Variants in VAX2 observed in about 807,000 individuals in gnomAD.
VAX2 encodes ventral anterior homeobox 2.
VAX2 carries 8 observed loss-of-function variants against 12.5 expected under a neutral mutation model. The ratio of observed to expected loss-of-function variants is 0.64; its 90% confidence interval spans 0.37 to 1.15. The LOEUF (loss-of-function observed/expected upper bound fraction) is 1.15, where lower values mean the gene tolerates loss of function less well. VAX2 is among the 50% of genes most tolerant of loss of function. VAX2 has a pLI of 0.01. For synonymous variants in VAX2, 183 were observed against 187.6 expected, an observed-to-expected ratio of 0.98 and a Z score of 0.20; for missense variants, 476 against 412.9, an observed-to-expected ratio of 1.15 and a Z score of -1.32.
intron 1 of VAX2, among the ~76,000 whole-genome samples, chr2:70,908,663 G>C (rs1271876182): frequency 1.3e-5 from 2 of 152,168 alleles, no homozygotes; most frequent in Non-Finnish European, 2.9e-5. Flanking sequence ...GAGTATATCT[G>C]TCAGAGAAGT....
At chr2:70,931,928 A>C (rs1553414377) in intron 2 of VAX2, among the ~76,000 whole-genome samples, 4 of 152,198 alleles carry the variant, frequency 2.6e-5, no homozygotes, top group Admixed American at 2.6e-4. Context: ...TGGGGCAGAG[A>C]CACCTTTAAA....
intron 2 of VAX2, 95 bp from the exon 3 acceptor site, chr2:70,932,672 C>A (rs2104790620): frequency 2.2e-6 from 1 of 459,812 alleles, no homozygotes; most frequent in Admixed American, 5.0e-5. Flanking sequence ...CCTGCCCCAA[C>A]CCCATGCCCT....
intron 1 of VAX2, among the ~76,000 whole-genome samples, chr2:70,920,639 G>A (rs1377185790): frequency 1.4e-5 from 1 of 72,884 alleles, no homozygotes; most frequent in East Asian, 4.7e-4. Flanking sequence ...ATGCATGCAT[G>A]CACAGACACA....
intron 2 of VAX2, among the ~76,000 whole-genome samples, chr2:70,922,682 G>A (rs1189217172): frequency 2.0e-5 from 3 of 152,098 alleles, no homozygotes; most frequent in African/African-American, 4.8e-5. Flanking sequence ...GGGGAAGGCC[G>A]GGGAAGGACA....
intron 1 of VAX2, among the ~76,000 whole-genome samples, chr2:70,903,845 G>A (rs895665550): frequency 6.6e-6 from 1 of 152,148 alleles, no homozygotes; most frequent in East Asian, 1.9e-4. Context: ...GCACCTAGGG[G>A]TTAAGAAGCC....
rs1679752798 is a variant in VAX2 at position 70,933,419 on chromosome 2, A to G, written c.*215A>G. On this transcript the variant is annotated 3_prime_UTR_variant, in exon 3 of 3. Coordinates refer to ENST00000234392, the MANE Select transcript of VAX2 (RefSeq NM_012476.3). ...GAGTGTGTGTGTCTCTCACTGAAAT[A>G]AAAGGAAAACAATGACAAGAAGGGA... 2 of 409,320 alleles carry G rather than the reference A, an allele frequency of 4.9e-6. No homozygotes were observed. The allele number at this position is 409,320 out of a possible 1,614,324, so 25.4% of individuals were successfully genotyped here.
Position 70,920,822 on chromosome 2 carries a change from A to G in VAX2, c.248-276A>G, listed in dbSNP as rs574144775. On this transcript the variant is annotated intron_variant, in intron 1 of 2. Transcript: ENST00000234392. ...AAAGGCCCAGAATCCTGGCTGGGAC[A>G]GAGTGAGTCCTTTCTTCCCAGACCA... 2.6e-5 allele frequency among the ~76,000 whole-genome samples: 4 copies of G among 152,296 alleles called. No individual in the cohort carries two copies. In the East Asian group the frequency reaches 7.7e-4, roughly 29 times the overall value.
intron 1 of VAX2, among the ~76,000 whole-genome samples, chr2:70,919,443 A>G (rs1264894826): frequency 6.6e-6 from 1 of 152,064 alleles, no homozygotes; most frequent in Non-Finnish European, 1.5e-5. Context: ...TAATCCCAGC[A>G]CTTTGGGAGG....
chr2:70,904,519 T>G lies in VAX2; in HGVS notation c.247+3651T>G, dbSNP rs548574949. On this transcript the variant is annotated intron_variant, in intron 1 of 2. Transcript: ENST00000234392. The surrounding 1 kb of genome is among the most constrained non-coding windows in gnomAD (Gnocchi z 4.2). ...ACCAGCGTCACCCAACACAGCAACTTTTACAGACAATGCGTGGCGTCCGTT... is the reference window on the plus strand; with the variant it reads ...ACCAGCGTCACCCAACACAGCAACTGTTACAGACAATGCGTGGCGTCCGTT... Among the ~76,000 whole-genome samples the G allele has an allele frequency of 1.9e-4, 29 of 152,192 alleles. No homozygotes were observed. Among genetic ancestry groups the G allele is most frequent in the Admixed American group, 1.0e-3 (16 of 15,302 alleles).
chr2:70,928,161 G>C lies in VAX2; in HGVS notation c.436-4606G>C, dbSNP rs3771387. ...AAGACAGAGAGACAACATTTGCAGG[G>C]CCCTGTGAACCTACCCGCTAGGGCC... On this transcript the variant is annotated intron_variant, in intron 2 of 2. Transcript: ENST00000234392. 1.9e-3 allele frequency among the ~76,000 whole-genome samples: 288 copies of C among 152,342 alleles called. 6 individuals are homozygous for C. The East Asian group carries it at 0.035, about 18-fold the overall frequency.
chr2:70,921,004 T>G, intron 1 of VAX2, 94 bp from the exon 2 acceptor site: 9 of 1,388,178 alleles, frequency 6.5e-6, no homozygotes, highest in Non-Finnish European at 8.5e-6. Flanking sequence ...TGAGGAGCTC[T>G]GCGATAGATC....
At position 70,900,670 on chromosome 2, in the gene VAX2, G is replaced by C; in HGVS notation, c.49G>C (p.Glu17Gln). 1 of 1,287,386 alleles carries C rather than the reference G, an allele frequency of 7.8e-7. No homozygotes were observed. Among genetic ancestry groups the C allele is most frequent in the East Asian group, 3.1e-5 (1 of 31,942 alleles). The allele number at this position is 1,287,386 out of a possible 1,614,324, so 79.7% of individuals were successfully genotyped here. Reference protein sequence around the residue: ...ERDRGPARRAESGGGGGRCGD... With the variant: ...ERDRGPARRAQSGGGGGRCGD... Reference sequence around the variant, plus strand: ...CGACCGGGGCCCCGCGCGCCGGGCGGAGTCTGGTGGCGGCGGTGGGCGCTG... The same window carrying C: ...CGACCGGGGCCCCGCGCGCCGGGCGCAGTCTGGTGGCGGCGGTGGGCGCTG... Residue 17 changes from glutamate to glutamine, a missense_variant, in exon 1 of 3, where the codon GAG becomes CAG. Physicochemically the swap from Glu to Gln is conservative, Grantham distance 29. Coordinates refer to ENST00000234392, the MANE Select transcript of VAX2 (RefSeq NM_012476.3).
chr2:70,915,728 T>A (rs182580252), intron 1 of VAX2, among the ~76,000 whole-genome samples: 1 of 152,318 alleles, frequency 6.6e-6, no homozygotes, highest in African/African-American at 2.4e-5. Flanking sequence ...CAATTTATGG[T>A]CACCAATCTG....
At chr2:70,930,560 A>G (rs1572899996) in intron 2 of VAX2, among the ~76,000 whole-genome samples, 2 of 152,320 alleles carry the variant, frequency 1.3e-5, no homozygotes, top group South Asian at 4.2e-4. Flanking sequence ...AGATCTTTTT[A>G]AAAGACTGGA....
At chr2:70,910,811 A>G (rs1272615957) in intron 1 of VAX2, among the ~76,000 whole-genome samples, 1 of 149,846 alleles carries the variant, frequency 6.7e-6, no homozygotes, top group Non-Finnish European at 1.5e-5. Context: ...AAAACAAAAA[A>G]CCCACAAAAA....
At chr2:70,906,846 C>T (rs1679073302) in intron 1 of VAX2, among the ~76,000 whole-genome samples, 1 of 152,196 alleles carries the variant, frequency 6.6e-6, no homozygotes, top group African/African-American at 2.4e-5. Context: ...GAGACTTCCC[C>T]GCTGAAGTCG....
intron 1 of VAX2, among the ~76,000 whole-genome samples, 183 bp from the exon 2 acceptor site, chr2:70,920,915 C>T (rs7564382): frequency 0.8 from 122,258 of 151,994 alleles, 49,722 homozygotes; most frequent in African/African-American, 0.93. Flanking sequence ...AGATATAATA[C>T]CCTGCATTGG....
In VAX2 at chr2:70,904,184, A is replaced by G. The variant is rs1558652296; in HGVS notation, c.247+3316A>G. On this transcript the variant is annotated intron_variant, in intron 1 of 2. Coordinates refer to ENST00000234392, the MANE Select transcript of VAX2 (RefSeq NM_012476.3). The surrounding 1 kb of genome is among the most constrained non-coding windows in gnomAD (Gnocchi z 4.2). ...CCTCCGCGTGCACAGTCCCTAGACCAGTGAGGGCGGGGACGGGGAAATCCT... is the reference window on the plus strand; with the variant it reads ...CCTCCGCGTGCACAGTCCCTAGACCGGTGAGGGCGGGGACGGGGAAATCCT... 6.6e-6 allele frequency among the ~76,000 whole-genome samples: 1 copy of G among 152,248 alleles called. No individual in the cohort carries two copies.
chr2:70,927,284 G>A (rs1679594924), intron 2 of VAX2, among the ~76,000 whole-genome samples: 1 of 151,860 alleles, frequency 6.6e-6, no homozygotes. Context: ...CTCCCCTCCT[G>A]CAGCTGGGCT....
Sources: gnomAD v4.1 joint callset for allele counts (sites outside exome capture counted in the v4.1 genomes callset) on GRCh38, gnomAD v4.1.1 for gene constraint, Gnocchi (gnomAD v3.1) non-coding constraint, MANE v1.5 for transcripts, NCBI Gene and HGNC (gene_info 2026-07-23, HGNC 2026-07-21) for gene names.